WWOX: variants seen among roughly 807,000 people sequenced by gnomAD.
The protein encoded by WWOX is WW domain containing oxidoreductase, also known as WW domain-containing oxidoreductase.
Under a neutral mutation model 46.2 loss-of-function variants are expected in WWOX, and 69 were observed. That is an observed-to-expected ratio of 1.49 (90% CI 1.23 to 1.82). WWOX has a LOEUF of 1.82. Among genes scored for constraint, WWOX ranks in the 40% most tolerant of loss-of-function variants. The pLI is 0.00. For synonymous variants in WWOX, 359 were observed against 202.6 expected (o/e 1.77, Z -6.56); for missense variants, 919 against 542.6 (o/e 1.69, Z -6.89).
chr16:78,460,922 C>T (rs2151422909), intron 8 of WWOX, among the ~76,000 whole-genome samples: 1 of 152,288 alleles, frequency 6.6e-6, no homozygotes, highest in East Asian at 1.9e-4. Flanking sequence ...GAAATAGGCC[C>T]TCCAGATATC....
chr16:79,163,355 A>T (rs73582734), intron 8 of WWOX, among the ~76,000 whole-genome samples: 8,052 of 152,254 alleles, frequency 0.053, 708 homozygotes, highest in African/African-American at 0.18. Flanking sequence ...GAAGCCCATT[A>T]GTCTCCCTGA....
chr16:78,748,042 T>C (rs1240045755), intron 8 of WWOX, among the ~76,000 whole-genome samples: 1 of 152,182 alleles, frequency 6.6e-6, no homozygotes, highest in Non-Finnish European at 1.5e-5. Context: ...GCCAGAGCAC[T>C]TGGGATCTGC....
chr16:78,906,150 C>G (rs566715740), intron 8 of WWOX, among the ~76,000 whole-genome samples: 2 of 152,176 alleles, frequency 1.3e-5, no homozygotes, highest in Non-Finnish European at 2.9e-5. Flanking sequence ...CCAAAATCCT[C>G]AGCGAAACCT....
chr16:78,324,815 G>T (rs1381891426), intron 5 of WWOX, among the ~76,000 whole-genome samples: 1 of 152,062 alleles, frequency 6.6e-6, no homozygotes, highest in African/African-American at 2.4e-5. Flanking sequence ...AGGGGTAGAG[G>T]TGAAGGTGAT....
chr16:78,328,460 G>T (rs868787952), intron 5 of WWOX, among the ~76,000 whole-genome samples: 1 of 152,186 alleles, frequency 6.6e-6, no homozygotes. Context: ...TGGATGAGCT[G>T]TTTAATTTTC....
intron 5 of WWOX, among the ~76,000 whole-genome samples, chr16:78,281,602 T>A (rs967503494): frequency 6.6e-6 from 1 of 152,194 alleles, no homozygotes. Context: ...TCTGCCCTCA[T>A]AGTGCGAAAA....
At chr16:79,031,553 G>A (rs1028813139) in intron 8 of WWOX, among the ~76,000 whole-genome samples, 6 of 152,120 alleles carry the variant, frequency 3.9e-5, no homozygotes, top group Middle Eastern at 3.4e-3. Context: ...CCCTGTGGAT[G>A]TGTATGCTAA....
chr16:79,127,527 G>C (rs1374859550), intron 8 of WWOX, among the ~76,000 whole-genome samples: 1 of 152,094 alleles, frequency 6.6e-6, no homozygotes, highest in Non-Finnish European at 1.5e-5. Flanking sequence ...TAGACATTTG[G>C]GTTGTTCCCA....
intron 8 of WWOX, among the ~76,000 whole-genome samples, chr16:78,786,200 G>A (rs963602808): frequency 8.5e-5 from 13 of 152,220 alleles, no homozygotes; most frequent in South Asian, 6.2e-4. Flanking sequence ...GTGAGCCACC[G>A]CGCCTGGCCT....
At chr16:79,051,663 A>C (rs2048169786) in intron 8 of WWOX, among the ~76,000 whole-genome samples, 1 of 152,216 alleles carries the variant, frequency 6.6e-6, no homozygotes, top group African/African-American at 2.4e-5. Context: ...CAGCAATTGA[A>C]TTTGATTTGC....
intron 8 of WWOX, among the ~76,000 whole-genome samples, chr16:78,847,153 G>C (rs895000338): frequency 2.0e-5 from 3 of 152,116 alleles, no homozygotes; most frequent in Admixed American, 6.5e-5. Context: ...TCTCCATGGA[G>C]GCTTGGTTCG....
At chr16:78,919,119 T>C (rs903987100) in intron 8 of WWOX, among the ~76,000 whole-genome samples, 2 of 152,152 alleles carry the variant, frequency 1.3e-5, no homozygotes, top group Admixed American at 6.5e-5. Flanking sequence ...GAGATCCTAC[T>C]AAACAACACA....
At chr16:78,719,983 A>G (rs2048653214) in intron 8 of WWOX, among the ~76,000 whole-genome samples, 1 of 152,168 alleles carries the variant, frequency 6.6e-6, no homozygotes, top group Non-Finnish European at 1.5e-5. Context: ...TTTAAAGTGG[A>G]AGGTTTTTTT....
chr16:78,674,518 C>A (rs1402368661), intron 8 of WWOX, among the ~76,000 whole-genome samples: 1 of 152,108 alleles, frequency 6.6e-6, no homozygotes, highest in East Asian at 1.9e-4. Context: ...CTCCTGACGT[C>A]AGGTGATCCA....
At chr16:78,983,093 C>G (rs2046714716) in intron 8 of WWOX, among the ~76,000 whole-genome samples, 1 of 152,088 alleles carries the variant, frequency 6.6e-6, no homozygotes, top group Non-Finnish European at 1.5e-5. Context: ...TTGTGTTTTG[C>G]TTTTGTAGAC....
chr16:78,269,183 G>C (rs1195893740), intron 5 of WWOX: 1 of 152,188 alleles, frequency 6.6e-6, no homozygotes, highest in African/African-American at 2.4e-5. Flanking sequence ...GTGGAATTAA[G>C]AGCTTCATGC....
chr16:78,700,806 A>G (rs1447322522), intron 8 of WWOX, among the ~76,000 whole-genome samples: 2 of 152,208 alleles, frequency 1.3e-5, no homozygotes, highest in Non-Finnish European at 2.9e-5. Flanking sequence ...CTTAGTGAAT[A>G]TTTATTGAAT....
intron 8 of WWOX, chr16:79,110,678 T>C (rs1187869458): frequency 6.6e-6 from 1 of 152,176 alleles, no homozygotes; most frequent in Admixed American, 6.5e-5. Context: ...TCATTTCTCT[T>C]GTAGTCAGGG....
intron 8 of WWOX, among the ~76,000 whole-genome samples, chr16:78,801,993 A>T (rs905399713): frequency 6.6e-6 from 1 of 152,076 alleles, no homozygotes; most frequent in Non-Finnish European, 1.5e-5. Context: ...AACCGAGATG[A>T]TGTGTGGAAA....
Sources: gnomAD v4.1 joint callset for allele counts (sites outside exome capture counted in the v4.1 genomes callset) on GRCh38, gnomAD v4.1.1 for gene constraint, MANE v1.5 for transcripts, NCBI Gene and HGNC (gene_info 2026-07-23, HGNC 2026-07-21) for gene names.